PHLDB2: variants seen among roughly 807,000 people sequenced by gnomAD.
The protein encoded by PHLDB2 is pleckstrin homology like domain family B member 2, also known as pleckstrin homology-like domain family B member 2.
In PHLDB2, 71 loss-of-function variants were observed where a neutral mutation model predicts 123.6. The ratio of observed to expected loss-of-function variants is 0.57; its 90% confidence interval spans 0.47 to 0.70. The LOEUF (loss-of-function observed/expected upper bound fraction) is 0.70. Among genes scored for constraint, PHLDB2 ranks in the 30% least tolerant of loss-of-function variants. PHLDB2 has a pLI of 0.00. For synonymous variants in PHLDB2, 547 were observed against 541.6 expected (o/e 1.01, Z -0.14); for missense variants, 1,446 against 1,519.5 (o/e 0.95, Z 0.80).
intron 1 of PHLDB2, among the ~76,000 whole-genome samples, chr3:111,838,596 T>C (rs965231083): frequency 6.6e-6 from 1 of 152,034 alleles, no homozygotes; most frequent in African/African-American, 2.4e-5. Flanking sequence ...TAGGAAAAAA[T>C]AGTTGTAGGC....
At chr3:111,743,675 T>C (rs1207055071) in intron 1 of PHLDB2, among the ~76,000 whole-genome samples, 1 of 152,216 alleles carries the variant, frequency 6.6e-6, no homozygotes, top group African/African-American at 2.4e-5. Context: ...CTACACATTG[T>C]AAGCAGAATA....
intron 1 of PHLDB2, among the ~76,000 whole-genome samples, chr3:111,809,219 C>T (rs995556819): frequency 1.6e-4 from 25 of 152,108 alleles, no homozygotes; most frequent in African/African-American, 5.6e-4. Flanking sequence ...TGTGATGCTG[C>T]GGCTTCCTGG....
chr3:111,821,021 G>A (rs1264491611), intron 1 of PHLDB2, among the ~76,000 whole-genome samples: 1 of 152,160 alleles, frequency 6.6e-6, no homozygotes. Flanking sequence ...TTAGTTCCAA[G>A]AGCCCCTGAA....
intron 1 of PHLDB2, among the ~76,000 whole-genome samples, chr3:111,816,824 A>G (rs780108442): frequency 5.9e-5 from 9 of 152,204 alleles, no homozygotes; most frequent in Non-Finnish European, 1.2e-4. Context: ...CCCCACCAAA[A>G]TCTCATCTTG....
In PHLDB2 at chr3:111,810,523, G is replaced by A. The variant is rs575310401; in HGVS notation, c.-48-35298G>A. Among the ~76,000 whole-genome samples, 14 of 152,244 alleles carry A rather than the reference G, an allele frequency of 9.2e-5. No individual in the cohort carries two copies. In the South Asian group the frequency reaches 2.3e-3, roughly 25 times the overall value. On this transcript the variant is annotated intron_variant, in intron 1 of 17. Transcript: ENST00000393923. ...TCTTTCCTTGGTGCATGTATGTGAAGAGAGGGCTCTGTCTGTCGTCTCCTT... is the reference window on the plus strand; with the variant it reads ...TCTTTCCTTGGTGCATGTATGTGAAAAGAGGGCTCTGTCTGTCGTCTCCTT...
intron 2 of PHLDB2, among the ~76,000 whole-genome samples, chr3:111,887,475 A>G (rs1189379805): frequency 6.6e-6 from 1 of 152,196 alleles, no homozygotes; most frequent in African/African-American, 2.4e-5. Context: ...TAAAAAGTAA[A>G]GTGACTCAAA....
chr3:111,815,672 A>G (rs1368318055), intron 1 of PHLDB2, among the ~76,000 whole-genome samples: 1 of 152,198 alleles, frequency 6.6e-6, no homozygotes, highest in Non-Finnish European at 1.5e-5. Flanking sequence ...TCAGTTTTAT[A>G]AGGGAAGCAG....
intron 13 of PHLDB2, 86 bp from the exon 14 acceptor site, chr3:111,966,527 G>GGTGT (rs3217516): frequency 2.0e-3 from 1,219 of 617,800 alleles, no homozygotes; most frequent in South Asian, 5.4e-3. Context: ...GTGTGTCTGG[G>GGTGT]GTGTGTGTGT....
At chr3:111,873,692 A>T (rs1000811247) in intron 1 of PHLDB2, among the ~76,000 whole-genome samples, 1 of 152,188 alleles carries the variant, frequency 6.6e-6, no homozygotes, top group East Asian at 1.9e-4. Context: ...AATACCCTCA[A>T]CTTAGTTCTG....
intron 1 of PHLDB2, among the ~76,000 whole-genome samples, chr3:111,813,146 TAGG>T (rs1201501491): frequency 6.6e-6 from 1 of 152,132 alleles, no homozygotes; most frequent in Non-Finnish European, 1.5e-5. Flanking sequence ...AAAAAAACTG[TAGG>T]AGGAGTTGGG....
intron 2 of PHLDB2, among the ~76,000 whole-genome samples, chr3:111,909,759 G>A (rs1167197348): frequency 1.3e-5 from 2 of 150,174 alleles, no homozygotes; most frequent in African/African-American, 2.5e-5. Context: ...AGTCACACCA[G>A]TTATAATAGG....
chr3:111,750,668 G>A (rs763489341), intron 1 of PHLDB2, among the ~76,000 whole-genome samples: 12 of 152,064 alleles, frequency 7.9e-5, no homozygotes, highest in Non-Finnish European at 1.8e-4. Flanking sequence ...CCCGGGGGCC[G>A]GATGCGATGG....
At chr3:111,779,044 A>G (rs746231483) in intron 1 of PHLDB2, among the ~76,000 whole-genome samples, 1 of 152,054 alleles carries the variant, frequency 6.6e-6, no homozygotes, top group Non-Finnish European at 1.5e-5. Context: ...CCTGGAGGGT[A>G]TGTAAAACTC....
chr3:111,962,339 C>T (rs1481982567), intron 13 of PHLDB2, 27 bp downstream of exon 13: 1 of 1,586,968 alleles, frequency 6.3e-7, no homozygotes, highest in Non-Finnish European at 8.5e-7. Context: ...GGTAAGGTTT[C>T]TGGTTTGGAA....
At chr3:111,804,181 A>AAAAT (rs2061485459) in intron 1 of PHLDB2, among the ~76,000 whole-genome samples, 1 of 152,200 alleles carries the variant, frequency 6.6e-6, no homozygotes, top group African/African-American at 2.4e-5. Context: ...AAATAGTAAG[A>AAAAT]AAATGTTAAA....
At chr3:111,781,933 G>A (rs942273218) in intron 1 of PHLDB2, among the ~76,000 whole-genome samples, 3 of 151,994 alleles carry the variant, frequency 2.0e-5, no homozygotes, top group Admixed American at 6.6e-5. Flanking sequence ...CAGTATTGCC[G>A]TGGCACAAAA....
chr3:111,777,442 G>A (rs1023541721), intron 1 of PHLDB2, among the ~76,000 whole-genome samples: 7 of 151,992 alleles, frequency 4.6e-5, no homozygotes, highest in African/African-American at 1.4e-4. Context: ...TTTAGGCTCA[G>A]AATTTATGGT....
chr3:111,947,764 C>T (rs2070413166), intron 9 of PHLDB2, among the ~76,000 whole-genome samples: 2 of 152,190 alleles, frequency 1.3e-5, no homozygotes, highest in Admixed American at 1.3e-4. Context: ...ATCCTGCCTT[C>T]TGAAGTGCAA....
chr3:111,763,572 G>A (rs7614443), intron 1 of PHLDB2, among the ~76,000 whole-genome samples: 77,687 of 151,832 alleles, frequency 0.51, 20,658 homozygotes, highest in African/African-American at 0.66. Flanking sequence ...TATTATTATT[G>A]TTACTACAAC....
Sources: gnomAD v4.1 joint callset for allele counts (sites outside exome capture counted in the v4.1 genomes callset) on GRCh38, gnomAD v4.1.1 for gene constraint, MANE v1.5 for transcripts, NCBI Gene and HGNC (gene_info 2026-07-23, HGNC 2026-07-21) for gene names.